TWIST2: variants seen among roughly 807,000 people sequenced by gnomAD.
TWIST2 encodes the protein twist family bHLH transcription factor 2.
Under a neutral mutation model 11.6 loss-of-function variants are expected in TWIST2, and 1 was observed. That is an observed-to-expected ratio of 0.09 (90% CI 0.03 to 0.41). The LOEUF (loss-of-function observed/expected upper bound fraction) is 0.41, where lower values mean the gene tolerates loss of function less well. TWIST2 is among the 10% of genes least tolerant of loss of function. The pLI is 0.98. For missense variants in TWIST2, 168 were observed against 226.4 expected (o/e 0.74, Z 1.66); for synonymous variants, 87 against 96.6 (o/e 0.90, Z 0.58).
At chr2:238,881,223 G>C (rs1199531066) in intron 1 of TWIST2, among the ~76,000 whole-genome samples, 3 of 130,640 alleles carry the variant, frequency 2.3e-5, no homozygotes, top group Non-Finnish European at 3.2e-5. Context: ...CTTAGTGTTA[G>C]TGTCAGTATT....
chr2:238,859,573 C>CAA lies in TWIST2; in HGVS notation c.*35+10853_*35+10854dup, dbSNP rs368480992. The stretch of plus-strand genomic sequence containing the variant: ...ATTGTATGTATCTTACTACTATCAC[C>CAA]AAAAAAAAAAAAAATCCTACTTCCC... On this transcript the variant is annotated intron_variant, in intron 1 of 1. Coordinates refer to ENST00000612363, the MANE Select transcript of TWIST2 (RefSeq NM_001271893.4). 3.3e-3 allele frequency among the ~76,000 whole-genome samples: 472 copies of CAA among 144,980 alleles called. 7 individuals are homozygous for CAA. Among genetic ancestry groups the CAA allele is most frequent in the African/African-American group, 0.011 (428 of 39,462 alleles).
intron 1 of TWIST2, among the ~76,000 whole-genome samples, chr2:238,901,794 G>T (rs1465773663): frequency 6.6e-6 from 1 of 152,142 alleles, no homozygotes; most frequent in Non-Finnish European, 1.5e-5. Flanking sequence ...GACCCATCGA[G>T]ACCCATGGGG....
intron 1 of TWIST2, among the ~76,000 whole-genome samples, chr2:238,878,472 T>C (rs1692845382): frequency 6.6e-6 from 1 of 152,244 alleles, no homozygotes; most frequent in Admixed American, 6.5e-5. Flanking sequence ...CTCCAGAGCT[T>C]ATTAAGGCCA....
At chr2:238,855,355 A>G (rs946312054) in intron 1 of TWIST2, among the ~76,000 whole-genome samples, 1 of 152,214 alleles carries the variant, frequency 6.6e-6, no homozygotes, top group African/African-American at 2.4e-5. Context: ...ATTGACACCA[A>G]TGGGCGAACA....
intron 1 of TWIST2, among the ~76,000 whole-genome samples, chr2:238,857,481 C>T (rs561797003): frequency 6.6e-6 from 1 of 152,254 alleles, no homozygotes; most frequent in African/African-American, 2.4e-5. Context: ...CTTGGCTCAT[C>T]TAAAGACAGC....
At chr2:238,871,668 T>C (rs1574756266) in intron 1 of TWIST2, among the ~76,000 whole-genome samples, 7 of 24,420 alleles carry the variant, frequency 2.9e-4, no homozygotes, top group African/African-American at 2.7e-4. Flanking sequence ...ACACACACCA[T>C]CACCCCCCCC....
intron 1 of TWIST2, among the ~76,000 whole-genome samples, chr2:238,889,115 C>T (rs1035594847): frequency 6.6e-6 from 1 of 152,196 alleles, no homozygotes; most frequent in Non-Finnish European, 1.5e-5. Context: ...CCACAGAGGA[C>T]TCCTGAAGGC....
At chr2:238,890,403 G>T (rs187889517) in intron 1 of TWIST2, among the ~76,000 whole-genome samples, 42 of 152,306 alleles carry the variant, frequency 2.8e-4, no homozygotes, top group Non-Finnish European at 4.3e-4. Context: ...CTTAGGAGAC[G>T]GCCACTGAGA....
At chr2:238,894,577 T>G (rs1693185321) in intron 1 of TWIST2, among the ~76,000 whole-genome samples, 1 of 152,198 alleles carries the variant, frequency 6.6e-6, no homozygotes, top group Admixed American at 6.5e-5. Flanking sequence ...GATCTGATGG[T>G]GTCTGTGGCC....
At chr2:238,861,519 G>A (rs563291931) in intron 1 of TWIST2, among the ~76,000 whole-genome samples, 5 of 152,186 alleles carry the variant, frequency 3.3e-5, no homozygotes, top group Admixed American at 1.3e-4. Context: ...GAGGCAAGTC[G>A]GCACCCTTAG....
At chr2:238,855,547 A>G (rs1295239220) in intron 1 of TWIST2, among the ~76,000 whole-genome samples, 2 of 152,194 alleles carry the variant, frequency 1.3e-5, no homozygotes, top group African/African-American at 4.8e-5. Context: ...ATCATTTCGC[A>G]TTCCTTGTTT....
At chr2:238,905,905 G>A (rs1228011800) in intron 1 of TWIST2, among the ~76,000 whole-genome samples, 9 of 38,852 alleles carry the variant, frequency 2.3e-4, no homozygotes, top group Middle Eastern at 0.019. Flanking sequence ...GCGTGTGTGC[G>A]TGTGTGTGCG....
At chr2:238,857,645 AT>A (rs1217447870) in intron 1 of TWIST2, among the ~76,000 whole-genome samples, 1 of 151,796 alleles carries the variant, frequency 6.6e-6, no homozygotes, top group Non-Finnish European at 1.5e-5. Flanking sequence ...GCAATAAAAT[AT>A]TACATTGAGG....
chr2:238,885,399 C>T (rs1423137509), intron 1 of TWIST2, among the ~76,000 whole-genome samples: 1 of 152,240 alleles, frequency 6.6e-6, no homozygotes, highest in Non-Finnish European at 1.5e-5. Context: ...TTACAGTGCA[C>T]ATTTGACCAA....
At position 238,907,679 on chromosome 2, in the gene TWIST2, C is replaced by T. The variant is rs1023404835; in HGVS notation, c.*36-2163C>T. Among the ~76,000 whole-genome samples the T allele has an allele frequency of 6.5e-3, 987 of 151,990 alleles. 7 individuals carry two copies. The highest frequency in any genetic ancestry group is 0.022 in the African/African-American group (911 of 41,398). On this transcript the variant is annotated intron_variant, in intron 1 of 1. Transcript: ENST00000612363. ...GCATGATGAAACTGCAGGAAGTACA[C>T]ATACACCACTCACACACACACACAA... is the stretch of plus-strand genomic sequence containing the variant.
chr2:238,893,694 T>C (rs1425414139), intron 1 of TWIST2, among the ~76,000 whole-genome samples: 3 of 152,150 alleles, frequency 2.0e-5, no homozygotes, highest in Non-Finnish European at 2.9e-5. Context: ...AGACATACAG[T>C]GTGGGGTCCG....
intron 1 of TWIST2, among the ~76,000 whole-genome samples, chr2:238,851,917 G>A (rs1692248493): frequency 6.7e-6 from 1 of 149,808 alleles, no homozygotes; most frequent in African/African-American, 2.4e-5. Context: ...TTTCGGCCTT[G>A]CATCAGGGAA....
intron 1 of TWIST2, among the ~76,000 whole-genome samples, chr2:238,861,520 GCACCCT>G (rs1692435521): frequency 6.6e-6 from 1 of 152,106 alleles, no homozygotes; most frequent in South Asian, 2.1e-4. Context: ...AGGCAAGTCG[GCACCCT>G]TAGGCGCCCG....
In TWIST2 at chr2:238,851,031, A is replaced by G. The variant is rs561490917; in HGVS notation, c.*35+2298A>G. Among the ~76,000 whole-genome samples, 69 of 152,332 alleles carry G rather than the reference A, an allele frequency of 4.5e-4. No individual in the cohort carries two copies. The South Asian group carries it at 0.012, about 26-fold the overall frequency. On this transcript the variant is annotated intron_variant, in intron 1 of 1. Transcript: ENST00000612363. ...TTATAATTGGTTTGATTTCCTGAAA[A>G]TGTTGCTAAACAGCATTTGTTTTTA...
Sources: allele counts gnomAD v4.1 joint callset (sites outside exome capture counted in the v4.1 genomes callset), GRCh38; gene constraint gnomAD v4.1.1; transcripts MANE v1.5; gene names NCBI Gene and HGNC (gene_info 2026-07-23, HGNC 2026-07-21).